The following SCN8A variants were observed in gnomAD, a reference collection of about 807,000 sequenced individuals.
SCN8A encodes the protein sodium voltage-gated channel alpha subunit 8, also known as sodium channel protein type 8 subunit alpha.
A neutral mutation model predicts 184.1 loss-of-function variants in SCN8A; 30 were observed. The ratio of observed to expected loss-of-function variants is 0.16; its 90% CI spans 0.12 to 0.22. The LOEUF (loss-of-function observed/expected upper bound fraction) is 0.22. Among genes scored for constraint, SCN8A ranks in the 10% least tolerant of loss-of-function variants. The pLI, the probability that SCN8A is intolerant of heterozygous loss-of-function variation, is 1.00. For missense variants in SCN8A, 1,057 were observed against 2,498.9 expected, an observed-to-expected ratio of 0.42 and a Z score of 12.30; for synonymous variants, 852 against 907.0, an observed-to-expected ratio of 0.94 and a Z score of 1.09.
At chr12:51,774,140 C>T (rs764744725) in intron 19 of SCN8A, 49 bp from the exon 20 acceptor site, 6 of 1,581,716 alleles carry the variant, frequency 3.8e-6, no homozygotes, top group East Asian at 2.2e-5. Context: ...CTCCCTGTGG[C>T]CTGCTTGCCT....
chr12:51,786,873 G>A lies in SCN8A; in HGVS notation c.4227+47G>A, dbSNP rs1435855059. The A allele has an allele frequency of 1.9e-6, 3 of 1,551,578 alleles. 1 individual carries two copies. The highest frequency in any genetic ancestry group is 2.4e-5 in the South Asian group (2 of 83,764). ...GTTTTTTCAGTTCTGTGAAATTCAG[G>A]CAGCTAGCACAAATCCCATTTGGCT... On this transcript the variant is annotated intron_variant, in intron 22 of 26. Coordinates refer to ENST00000627620, the MANE Select transcript of SCN8A (RefSeq NM_001330260.2).
In SCN8A at chr12:51,721,618, G is replaced by C; in HGVS notation, c.1708G>C (p.Gly570Arg). Reference sequence around the variant, plus strand: ...CAAGAGCAGCATCTTCAGTTTCAGGGGACCTGGGCGGTTCCGAGACCCGGG... The same window carrying C: ...CAAGAGCAGCATCTTCAGTTTCAGGCGACCTGGGCGGTTCCGAGACCCGGG... The part of the protein sequence containing the change: ...NSKSSIFSFR[G>R]PGRFRDPGSE... The change falls in exon 12 of 27, where the codon GGA becomes CGA. Residue 570 changes from glycine (G) to arginine (R), a missense_variant. Transcript: ENST00000627620. 6.2e-7 allele frequency: 1 copy of C among 1,613,138 alleles called. No individual in the cohort carries two copies. Among genetic ancestry groups the C allele is most frequent in the Non-Finnish European group, 8.5e-7 (1 of 1,179,568 alleles).
At chr12:51,702,998 G>T in intron 9 of SCN8A, 84 bp downstream of exon 9, 9 of 1,287,854 alleles carry the variant, frequency 7.0e-6, no homozygotes, top group Non-Finnish European at 9.5e-6. Context: ...GAGACATTTA[G>T]TGAAGACATT....
intron 11 of SCN8A, among the ~76,000 whole-genome samples, chr12:51,707,766 A>G (rs997081769): frequency 2.6e-5 from 4 of 152,192 alleles, no homozygotes; most frequent in African/African-American, 9.6e-5. Flanking sequence ...CTCTTCTCCA[A>G]ACTCATTGTA....
intron 13 of SCN8A, among the ~76,000 whole-genome samples, chr12:51,746,361 A>G (rs192329600): frequency 1.7e-4 from 26 of 152,312 alleles, no homozygotes; most frequent in Admixed American, 1.4e-3. Flanking sequence ...TAAGGCATAA[A>G]GGAATGTAGA....
Position 51,745,901 on chromosome 12 carries a change from A to G in SCN8A, c.1999-2A>G. On this transcript the variant is annotated splice_acceptor_variant, in intron 12 of 26. Transcript: ENST00000627620. LOFTEE classifies it high-confidence loss of function. The stretch of plus-strand genomic sequence containing the variant: ...TTTGCTTTTCTTTTTTTTTTTTTAA[A>G]GGCTACAACTGAGGTGGAAATTAAG... 1 of 1,560,092 alleles carries G rather than the reference A, an allele frequency of 6.4e-7. No individual in the cohort carries two copies. The highest frequency in any genetic ancestry group is 8.6e-7 in the Non-Finnish European group (1 of 1,160,480).
intron 1 of SCN8A, among the ~76,000 whole-genome samples, chr12:51,644,920 C>T (rs1246167035): frequency 3.3e-5 from 5 of 150,872 alleles, no homozygotes; most frequent in Admixed American, 6.6e-5. Flanking sequence ...ACCCTCCGCC[C>T]GGCAGCCGCC....
Position 51,706,535 on chromosome 12 carries a change from A to G in SCN8A, c.1455A>G (p.Ser485=), listed in dbSNP as rs763721137. The change falls in exon 11 of 27, where the codon TCA becomes TCG. Residue 485 remains serine (S), a synonymous_variant. Coordinates refer to ENST00000627620, the MANE Select transcript of SCN8A (RefSeq NM_001330260.2). Reference sequence around the variant, plus strand: ...CTTCTGAAATCTCTAAACTCAGCTCAAAGAGTGCAAAGGAAAGACGTAACA... The same window carrying G: ...CTTCTGAAATCTCTAAACTCAGCTCGAAGAGTGCAAAGGAAAGACGTAACA... The part of the protein sequence containing the change: ...RSSSEISKLS[S]KSAKERRNRR... 6.2e-7 allele frequency: 1 copy of G among 1,606,082 alleles called. No homozygotes were observed. The highest frequency in any genetic ancestry group is 1.1e-5 in the South Asian group (1 of 89,374).
chr12:51,608,744 C>T (rs767540156), intron 1 of SCN8A, among the ~76,000 whole-genome samples: 1 of 152,078 alleles, frequency 6.6e-6, no homozygotes, highest in Non-Finnish European at 1.5e-5. Context: ...TAGTTCTGCT[C>T]TGATTTTGGT....
At chr12:51,599,378 A>G (rs1381787031) in intron 1 of SCN8A, among the ~76,000 whole-genome samples, 2 of 152,178 alleles carry the variant, frequency 1.3e-5, no homozygotes, top group Admixed American at 6.5e-5. Context: ...AGTTGGTATG[A>G]TTAGAGACAG....
chr12:51,635,559 G>A (rs1940297931), intron 1 of SCN8A, among the ~76,000 whole-genome samples: 1 of 152,094 alleles, frequency 6.6e-6, no homozygotes, highest in Admixed American at 6.6e-5. Flanking sequence ...TTTAAACTAG[G>A]TTTTTTTCAC....
At position 51,807,681 on chromosome 12, in the gene SCN8A, G is replaced by C; in HGVS notation, c.*252G>C. 1.9e-6 allele frequency: 1 copy of C among 538,478 alleles called. No homozygotes were observed. 33.4% of individuals were successfully genotyped at this position (538,478 alleles called of 1,614,324 possible). A position where few individuals can be genotyped will look rare whatever the true frequency, so the allele number is the denominator to read the frequency against. Reference sequence around the variant, plus strand: ...GGTGGTTACTGCATGTTCCACATCAGTCAATGCAACTTAGGACAAAACTAA... The same window carrying C: ...GGTGGTTACTGCATGTTCCACATCACTCAATGCAACTTAGGACAAAACTAA... On this transcript the variant is annotated 3_prime_UTR_variant, in exon 27 of 27. Coordinates refer to ENST00000627620, the MANE Select transcript of SCN8A (RefSeq NM_001330260.2). This position sits in a 1 kb window ranked among gnomAD's most constrained non-coding sequence, Gnocchi z 4.5.
At chr12:51,657,648 A>G (rs1940848150) in intron 1 of SCN8A, among the ~76,000 whole-genome samples, 1 of 151,976 alleles carries the variant, frequency 6.6e-6, no homozygotes, top group Non-Finnish European at 1.5e-5. Flanking sequence ...CCATTTGTCT[A>G]TTTTTGCCTG....
chr12:51,633,978 T>C (rs959302364), intron 1 of SCN8A, among the ~76,000 whole-genome samples: 2 of 152,220 alleles, frequency 1.3e-5, no homozygotes, highest in African/African-American at 4.8e-5. Flanking sequence ...GAGAAACTTA[T>C]GTGGGCACAT....
chr12:51,634,254 T>C (rs1493194), intron 1 of SCN8A, among the ~76,000 whole-genome samples: 107,051 of 152,180 alleles, frequency 0.7, 40,550 homozygotes, highest in East Asian at 0.86. Context: ...ATCTTTATTA[T>C]ATATGGATAC....
Position 51,810,303 on chromosome 12 carries a change from A to G in SCN8A, c.*2874A>G, listed in dbSNP as rs1430016100. Reference sequence around the variant, plus strand: ...TTTATCCTTCACCCACTGTCCTTCCACCTGCTCACTCACTCACTCTCTCAC... The same window carrying G: ...TTTATCCTTCACCCACTGTCCTTCCGCCTGCTCACTCACTCACTCTCTCAC... On this transcript the variant is annotated 3_prime_UTR_variant, in exon 27 of 27. Transcript: ENST00000627620. 6.6e-6 allele frequency: 2 copies of G among 302,632 alleles called. No homozygotes were observed. The highest frequency in any genetic ancestry group is 4.3e-5 in the Admixed American group (1 of 23,142). The allele number at this position is 302,632 out of a possible 1,614,324, so 18.7% of individuals were successfully genotyped here. A position where few individuals can be genotyped will look rare whatever the true frequency, so the allele number is the denominator to read the frequency against.
At chr12:51,702,340 AAAG>A (rs1350248654) in intron 8 of SCN8A, among the ~76,000 whole-genome samples, 3 of 151,732 alleles carry the variant, frequency 2.0e-5, no homozygotes, top group African/African-American at 4.8e-5. Context: ...AAAAAAAAAA[AAAG>A]AGGAACTTCT....
At chr12:51,641,238 T>C (rs181050668) in intron 1 of SCN8A, among the ~76,000 whole-genome samples, 3 of 152,358 alleles carry the variant, frequency 2.0e-5, no homozygotes, top group East Asian at 3.9e-4. Flanking sequence ...ATAGGTTATA[T>C]GCAAATACTA....
At position 51,626,660 on chromosome 12, in the gene SCN8A, A is replaced by G. The variant is rs373538780; in HGVS notation, c.-55+35301A>G. ...AGATGGAAAATTTATAACAAAATAG[A>G]GTATGTTTCTCTTCCTTATAAACAT... On this transcript the variant is annotated intron_variant, in intron 1 of 26. Transcript: ENST00000627620. 8.5e-5 allele frequency among the ~76,000 whole-genome samples: 13 copies of G among 152,252 alleles called. No individual in the cohort carries two copies. The East Asian group carries it at 2.5e-3, about 29-fold the overall frequency.
Sources: gnomAD v4.1 joint callset for allele counts (sites outside exome capture counted in the v4.1 genomes callset) on GRCh38, gnomAD v4.1.1 for gene constraint, Gnocchi (gnomAD v3.1) non-coding constraint, MANE v1.5 for transcripts, NCBI Gene and HGNC (gene_info 2026-07-23, HGNC 2026-07-21) for gene names.